CNTN4: variants seen among roughly 807,000 people sequenced by gnomAD.
CNTN4 encodes the protein contactin-4.
In CNTN4, 77 loss-of-function variants were observed where a neutral mutation model predicts 122.5. The observed-to-expected ratio is 0.63, with a 90% CI of 0.52 to 0.76. The LOEUF (loss-of-function observed/expected upper bound fraction) is 0.76, where lower values mean the gene tolerates loss of function less well. CNTN4 is among the 30% of genes least tolerant of loss of function. The pLI, the probability that CNTN4 is intolerant of heterozygous loss-of-function variation, is 0.00. For synonymous variants in CNTN4, 512 were observed against 447.0 expected, an observed-to-expected ratio of 1.15 and a Z score of -1.83; for missense variants, 1,256 against 1,259.1, an observed-to-expected ratio of 1.00 and a Z score of 0.04.
At chr3:2,517,893 G>A (rs182491725) in intron 3 of CNTN4, among the ~76,000 whole-genome samples, 5 of 152,168 alleles carry the variant, frequency 3.3e-5, no homozygotes, top group Non-Finnish European at 7.4e-5. Context: ...TGTGTGTTAA[G>A]TGTGAATCTG....
At chr3:2,282,478 A>G (rs1292844125) in intron 2 of CNTN4, among the ~76,000 whole-genome samples, 1 of 152,030 alleles carries the variant, frequency 6.6e-6, no homozygotes, top group South Asian at 2.1e-4. Context: ...TGTGTTGTTC[A>G]TTTAGTATAT....
At chr3:2,457,786 T>C (rs533109567) in intron 3 of CNTN4, among the ~76,000 whole-genome samples, 1 of 152,258 alleles carries the variant, frequency 6.6e-6, no homozygotes, top group African/African-American at 2.4e-5. Flanking sequence ...TCATTAAGCA[T>C]GTTTTAGCCC....
At chr3:2,382,527 G>T (rs1210888913) in intron 3 of CNTN4, among the ~76,000 whole-genome samples, 2 of 152,158 alleles carry the variant, frequency 1.3e-5, no homozygotes, top group African/African-American at 2.4e-5. Flanking sequence ...TCTGTAATCA[G>T]TTAAACAGGA....
intron 4 of CNTN4, among the ~76,000 whole-genome samples, chr3:2,631,460 C>T (rs573394714): frequency 1.3e-5 from 2 of 152,152 alleles, no homozygotes; most frequent in Admixed American, 6.5e-5. Context: ...TTAAGAGTTA[C>T]CATGTACTAT....
intron 14 of CNTN4, among the ~76,000 whole-genome samples, chr3:3,006,121 C>T (rs1696612849): frequency 1.3e-5 from 2 of 152,186 alleles, no homozygotes; most frequent in South Asian, 4.1e-4. Flanking sequence ...TGTGATCCGC[C>T]CGCCTCGGCC....
At chr3:2,667,418 G>T (rs2084234976) in intron 4 of CNTN4, among the ~76,000 whole-genome samples, 1 of 152,064 alleles carries the variant, frequency 6.6e-6, no homozygotes. Context: ...CATATCCTTT[G>T]CCCACTTGTT....
At position 2,178,264 on chromosome 3, in the gene CNTN4, C is replaced by CT. The variant is rs112780497; in HGVS notation, c.-145+77635dup. On this transcript the variant is annotated intron_variant, in intron 2 of 24. Coordinates refer to ENST00000418658, the MANE Select transcript of CNTN4 (RefSeq NM_175607.3). ...TCATTGCTCTACACAAAGGTACATA[C>CT]TTTTTTTTTTGTTTTCTGAAGTGCA... Among the ~76,000 whole-genome samples the CT allele has an allele frequency of 4.2e-4, 62 of 148,950 alleles. 1 individual carries two copies. The highest frequency in any genetic ancestry group is 5.2e-4 in the Non-Finnish European group (35 of 66,954).
At chr3:2,169,347 CT>C (rs2149223425) in intron 2 of CNTN4, among the ~76,000 whole-genome samples, 1 of 152,192 alleles carries the variant, frequency 6.6e-6, no homozygotes, top group African/African-American at 2.4e-5. Context: ...TGTTTAACGC[CT>C]TTTGATGAAA....
At chr3:2,405,086 A>G (rs1380613141) in intron 3 of CNTN4, among the ~76,000 whole-genome samples, 1 of 152,196 alleles carries the variant, frequency 6.6e-6, no homozygotes, top group East Asian at 1.9e-4. Flanking sequence ...TTCTGTTTTA[A>G]TCATTTATGT....
chr3:2,223,812 G>A (rs1307595705), intron 2 of CNTN4, among the ~76,000 whole-genome samples: 2 of 152,106 alleles, frequency 1.3e-5, no homozygotes, highest in African/African-American at 4.8e-5. Context: ...ACACAAGGCT[G>A]GTTAACAGAG....
intron 6 of CNTN4, among the ~76,000 whole-genome samples, chr3:2,781,782 TA>T (rs1344785959): frequency 4.7e-5 from 6 of 128,036 alleles, no homozygotes; most frequent in Admixed American, 8.6e-5. Context: ...TGGAGGGCAG[TA>T]GCGCGATCTC....
chr3:2,510,553 T>C (rs2076856905), intron 3 of CNTN4, among the ~76,000 whole-genome samples: 1 of 152,074 alleles, frequency 6.6e-6, no homozygotes, highest in African/African-American at 2.4e-5. Flanking sequence ...TTTTTATGAG[T>C]GACACAGGCG....
chr3:2,602,527 T>C (rs1481134895), intron 4 of CNTN4, among the ~76,000 whole-genome samples: 1 of 152,092 alleles, frequency 6.6e-6, no homozygotes, highest in Non-Finnish European at 1.5e-5. Context: ...GAATCCAACT[T>C]ACAAGGGATG....
chr3:2,154,097 A>G (rs1329645829), intron 2 of CNTN4, among the ~76,000 whole-genome samples: 1 of 152,108 alleles, frequency 6.6e-6, no homozygotes, highest in Non-Finnish European at 1.5e-5. Context: ...TAAAATGGAT[A>G]TGACTGGCCA....
chr3:2,359,904 A>C (rs1419032309), intron 3 of CNTN4, among the ~76,000 whole-genome samples: 1 of 152,202 alleles, frequency 6.6e-6, no homozygotes, highest in Non-Finnish European at 1.5e-5. Flanking sequence ...GTTTCTACCA[A>C]ATTCTAAGTA....
chr3:2,337,457 T>C (rs1170192905), intron 2 of CNTN4, among the ~76,000 whole-genome samples: 2 of 152,092 alleles, frequency 1.3e-5, no homozygotes, highest in Non-Finnish European at 1.5e-5. Context: ...CTAAACTGAA[T>C]AGCTAGTCTG....
chr3:2,181,289 T>G (rs1043355056), intron 2 of CNTN4, among the ~76,000 whole-genome samples: 1 of 151,938 alleles, frequency 6.6e-6, no homozygotes, highest in Non-Finnish European at 1.5e-5. Context: ...CCCCCAAATG[T>G]TTAAAGACTA....
At chr3:2,697,576 C>A (rs979622718) in intron 4 of CNTN4, among the ~76,000 whole-genome samples, 1 of 152,132 alleles carries the variant, frequency 6.6e-6, no homozygotes, top group African/African-American at 2.4e-5. Flanking sequence ...AAAATACAGA[C>A]AGCAAAAGAC....
intron 4 of CNTN4, among the ~76,000 whole-genome samples, chr3:2,613,071 C>T (rs1186476311): frequency 6.6e-6 from 1 of 152,070 alleles, no homozygotes; most frequent in Admixed American, 6.6e-5. Context: ...ATCAGTGGTG[C>T]AATACATCAT....
Sources: gnomAD v4.1 joint callset for allele counts (sites outside exome capture counted in the v4.1 genomes callset) on GRCh38, gnomAD v4.1.1 for gene constraint, MANE v1.5 for transcripts, NCBI Gene and HGNC (gene_info 2026-07-23, HGNC 2026-07-21) for gene names.